The following PCDHGA1 variants were observed in gnomAD, a reference collection of about 807,000 sequenced individuals.
The protein encoded by PCDHGA1 is protocadherin gamma subfamily A, 1, also known as protocadherin gamma-A1.
Under a neutral mutation model 58.0 loss-of-function variants are expected in PCDHGA1, and 32 were observed. The ratio of observed to expected loss-of-function variants is 0.55; its 90% CI spans 0.42 to 0.74. The LOEUF is 0.74. Among genes scored for constraint, PCDHGA1 ranks in the 30% least tolerant of loss-of-function variants. The probability of loss-of-function intolerance (pLI) is 0.00; values close to 1 mark genes in which losing one functional copy is unlikely to be tolerated. For missense variants in PCDHGA1, 1,205 were observed against 1,182.3 expected (o/e 1.02, Z -0.28); for synonymous variants, 498 against 501.1 (o/e 0.99, Z 0.08).
chr5:141,364,866 C>T (rs749361969), intron 1 of PCDHGA1: 1 of 1,614,016 alleles, frequency 6.2e-7, no homozygotes, highest in Non-Finnish European at 8.5e-7. Context: ...CTGCACTTCT[C>T]TCTGGATGTG....
rs749832081 is a variant in PCDHGA1, at chr5:141,360,505, C to G, written c.2421+27400C>G. On this transcript the variant is annotated intron_variant, in intron 1 of 3. Coordinates refer to ENST00000517417, the MANE Select transcript of PCDHGA1 (RefSeq NM_018912.3). ...TATTTTCTACATAGCAGTAATTGTG[C>G]AGGATATAAATGATAATACCCCGCT... 5 of 1,613,778 alleles carry G rather than the reference C, an allele frequency of 3.1e-6. No individual in the cohort carries two copies. The Admixed American group carries it at 8.3e-5, about 27-fold the overall frequency.
rs183338714 is a variant in PCDHGA1, at chr5:141,373,869, G to A, written c.2421+40764G>A. On this transcript the variant is annotated intron_variant, in intron 1 of 3. Coordinates refer to ENST00000517417, the MANE Select transcript of PCDHGA1 (RefSeq NM_018912.3). ...TAAGCGTCGCTGTTGACCAACCTGG[G>A]CAAGAAAATCAACGGAAACTCAAGT... The A allele has an allele frequency of 4.3e-3, 2,030 of 471,178 alleles. 12 individuals carry two copies. Among genetic ancestry groups the A allele is most frequent in the Admixed American group, 0.01 (264 of 25,860 alleles). The allele number at this position is 471,178 out of a possible 1,614,324, so 29.2% of individuals were successfully genotyped here. A position where few individuals can be genotyped will look rare whatever the true frequency, so the allele number is the denominator to read the frequency against.
At chr5:141,457,063 G>A (rs1477613746) in intron 1 of PCDHGA1, among the ~76,000 whole-genome samples, 1 of 152,104 alleles carries the variant, frequency 6.6e-6, no homozygotes, top group East Asian at 1.9e-4. Context: ...CTTCCTTTTT[G>A]CCAGTAACTA....
intron 1 of PCDHGA1, chr5:141,375,945 T>C (rs770100512): frequency 1.2e-6 from 2 of 1,613,448 alleles, no homozygotes; most frequent in Non-Finnish European, 8.5e-7. Context: ...TCAGTGGGCC[T>C]GCACACGGGC....
At chr5:141,426,004 C>T (rs573455573) in intron 1 of PCDHGA1, among the ~76,000 whole-genome samples, 10 of 152,264 alleles carry the variant, frequency 6.6e-5, no homozygotes, top group Non-Finnish European at 8.8e-5. Flanking sequence ...CAAAGGCTTC[C>T]GGCTGCAGTT....
At chr5:141,494,232 A>T (rs2099752983) in intron 1 of PCDHGA1, among the ~76,000 whole-genome samples, 1 of 152,168 alleles carries the variant, frequency 6.6e-6, no homozygotes, top group African/African-American at 2.4e-5. Flanking sequence ...TCCTAAATTA[A>T]TAATGTATTT....
intron 1 of PCDHGA1, chr5:141,423,202 G>T: frequency 6.2e-7 from 1 of 1,613,618 alleles, no homozygotes; most frequent in Non-Finnish European, 8.5e-7. Flanking sequence ...CTCGGCCACC[G>T]TCACGCTCAC....
At chr5:141,415,274 C>T (rs775112066) in intron 1 of PCDHGA1, 19 of 1,614,086 alleles carry the variant, frequency 1.2e-5, no homozygotes, top group Admixed American at 1.0e-4. Context: ...CTGGTGGTAG[C>T]GGTGGCCGCG....
Position 141,476,702 on chromosome 5 carries a change from C to CTGG in PCDHGA1, c.2422-18102_2422-18100dup, listed in dbSNP as rs1562056101. On this transcript the variant is annotated intron_variant, in intron 1 of 3. Coordinates refer to ENST00000517417, the MANE Select transcript of PCDHGA1 (RefSeq NM_018912.3). This position sits in a 1 kb window ranked among gnomAD's most constrained non-coding sequence, Gnocchi z 7.6. ...GGAGGACAGCACCAAGTACGCGGAG[C>CTGG]TGGTGTTGGAGCGCGCCCTGGACCG... 5 of 1,614,222 alleles carry CTGG rather than the reference C, an allele frequency of 3.1e-6. No homozygotes were observed. The highest frequency in any genetic ancestry group is 4.2e-6 in the Non-Finnish European group (5 of 1,180,042).
chr5:141,354,774 G>A lies in PCDHGA1; in HGVS notation c.2421+21669G>A, dbSNP rs1017891244. On this transcript the variant is annotated intron_variant, in intron 1 of 3. Coordinates refer to ENST00000517417, the MANE Select transcript of PCDHGA1 (RefSeq NM_018912.3). The stretch of plus-strand genomic sequence containing the variant: ...AAGAACACATCTTAGGAAAAAAATC[G>A]TCATATTTTCTCTAAGAAAATAAAT... Among the ~76,000 whole-genome samples the A allele has an allele frequency of 2.0e-5, 3 of 152,108 alleles. No individual in the cohort carries two copies. In the South Asian group the frequency reaches 6.2e-4, roughly 31 times the overall value.
rs771162471 is a variant in PCDHGA1 at position 141,376,386 on chromosome 5, T to C, written c.2421+43281T>C. 3 of 1,614,116 alleles carry C rather than the reference T, an allele frequency of 1.9e-6. No homozygotes were observed. The African/African-American group carries it at 4.0e-5, about 22-fold the overall frequency. Reference sequence around the variant, plus strand: ...ACTGCAGACTCGCGTAAGAGTCATCTGATTTTCCCCCAGCCCAACTATGCC... The same window carrying C: ...ACTGCAGACTCGCGTAAGAGTCATCCGATTTTCCCCCAGCCCAACTATGCC... On this transcript the variant is annotated intron_variant, in intron 1 of 3. Coordinates refer to ENST00000517417, the MANE Select transcript of PCDHGA1 (RefSeq NM_018912.3).
intron 1 of PCDHGA1, among the ~76,000 whole-genome samples, chr5:141,353,461 C>T (rs981513754): frequency 6.6e-6 from 1 of 152,096 alleles, no homozygotes; most frequent in Non-Finnish European, 1.5e-5. Context: ...TTAATACAGC[C>T]TTCCAATTAT....
chr5:141,410,796 G>T, intron 1 of PCDHGA1: 19 of 640,732 alleles, frequency 3.0e-5, no homozygotes, highest in South Asian at 1.4e-4. Flanking sequence ...TTCATAAGTT[G>T]CTCTATCTTT....
intron 1 of PCDHGA1, chr5:141,357,741 T>C: frequency 1.6e-6 from 2 of 1,282,110 alleles, no homozygotes; most frequent in Non-Finnish European, 2.1e-6. Context: ...TTTTATTGCT[T>C]TAAAGAAAAC....
At chr5:141,350,999 A>C in intron 1 of PCDHGA1, 1 of 1,614,076 alleles carries the variant, frequency 6.2e-7, no homozygotes, top group Non-Finnish European at 8.5e-7. Flanking sequence ...ATACAGGGTT[A>C]GCCTCCAAGA....
intron 1 of PCDHGA1, chr5:141,427,490 T>C (rs752745429): frequency 1.8e-6 from 1 of 551,082 alleles, no homozygotes; most frequent in Non-Finnish European, 3.5e-6. Flanking sequence ...ACTATAAGCT[T>C]GTAACAGATG....
intron 1 of PCDHGA1, chr5:141,402,972 G>A (rs758148844): frequency 6.2e-7 from 1 of 1,608,316 alleles, no homozygotes; most frequent in Non-Finnish European, 8.5e-7. Context: ...CCAACCAAAT[G>A]CCAGCTCCGC....
intron 1 of PCDHGA1, chr5:141,356,054 G>A: frequency 1.9e-6 from 3 of 1,613,936 alleles, no homozygotes; most frequent in South Asian, 1.1e-5. Context: ...CGGAAAGTAA[G>A]AGACAAAATA....
chr5:141,366,134 G>A, intron 1 of PCDHGA1: 1 of 1,614,204 alleles, frequency 6.2e-7, no homozygotes, highest in Non-Finnish European at 8.5e-7. Flanking sequence ...AGGCCAGAAC[G>A]CCTGGCTGTC....
Sources: gnomAD v4.1 joint callset for allele counts (sites outside exome capture counted in the v4.1 genomes callset) on GRCh38, gnomAD v4.1.1 for gene constraint, Gnocchi (gnomAD v3.1) non-coding constraint, MANE v1.5 for transcripts, NCBI Gene and HGNC (gene_info 2026-07-23, HGNC 2026-07-21) for gene names.